The following MAGT1 variants were observed in gnomAD, a reference collection of about 807,000 sequenced individuals.
MAGT1 encodes dolichyl-diphosphooligosaccharide--protein glycosyltransferase subunit MAGT1.
Under a neutral mutation model 28.4 loss-of-function variants are expected in MAGT1, and 4 were observed. That is an observed-to-expected ratio of 0.14 (90% CI 0.07 to 0.32). MAGT1 has a LOEUF of 0.32. Ranked by LOEUF, MAGT1 falls within the 10% of genes least tolerant of loss-of-function variation. The pLI, the probability that MAGT1 is intolerant of heterozygous loss-of-function variation, is 1.00. For missense variants in MAGT1, 193 were observed against 264.5 expected (o/e 0.73, Z 1.88); for synonymous variants, 89 against 89.7 (o/e 0.99, Z 0.04).
chrX:77,892,357 T>C lies in MAGT1; in HGVS notation c.102+2952A>G, dbSNP rs567373974. 3.1e-4 allele frequency among the ~76,000 whole-genome samples: 35 copies of C among 112,463 alleles called. No homozygotes were observed. The South Asian group carries it at 0.012, about 37-fold the overall frequency. ...AAACTGTGTCTAAGGAGTATCATAG[T>C]AGTCTTTTTAAAGACAGCCTAAACC... On this transcript the variant is annotated intron_variant, in intron 1 of 9. Coordinates refer to ENST00000618282, the MANE Select transcript of MAGT1 (RefSeq NM_001367916.1).
At chrX:77,886,520 G>A (rs2077068547) in intron 1 of MAGT1, among the ~76,000 whole-genome samples, 1 of 110,502 alleles carries the variant, frequency 9.0e-6, no homozygotes, top group Non-Finnish European at 1.9e-5. Flanking sequence ...GTATGGGCCT[G>A]TAGTTGCGGC....
intron 7 of MAGT1, among the ~76,000 whole-genome samples, chrX:77,846,967 C>T (rs965227033): frequency 8.9e-6 from 1 of 112,001 alleles, no homozygotes. Flanking sequence ...AGCTGTCAGA[C>T]AGGGACATTT....
intron 3 of MAGT1, among the ~76,000 whole-genome samples, chrX:77,869,976 A>G (rs1206043257): frequency 1.8e-5 from 2 of 112,235 alleles, no homozygotes; most frequent in Non-Finnish European, 3.8e-5. Context: ...ACAATTCACA[A>G]TTGCAAAGAT....
chrX:77,844,343 T>A (rs2076944096), intron 7 of MAGT1, among the ~76,000 whole-genome samples: 1 of 111,710 alleles, frequency 9.0e-6, no homozygotes, highest in African/African-American at 3.3e-5. Context: ...CTCTCTTTTC[T>A]TCTTTATTAG....
At chrX:77,869,299 T>C (rs941452808) in intron 3 of MAGT1, among the ~76,000 whole-genome samples, 1 of 111,426 alleles carries the variant, frequency 9.0e-6, no homozygotes, top group African/African-American at 3.3e-5. Context: ...ACAGGCATGA[T>C]CCACCATGCC....
intron 1 of MAGT1, among the ~76,000 whole-genome samples, chrX:77,889,143 T>TC (rs1269219136): frequency 1.0e-5 from 1 of 97,912 alleles, no homozygotes; most frequent in African/African-American, 3.7e-5. Context: ...CTCTGCTATT[T>TC]TTTTTTTTTT....
chrX:77,835,158 C>T (rs1475099888), intron 8 of MAGT1, among the ~76,000 whole-genome samples: 1 of 109,014 alleles, frequency 9.2e-6, no homozygotes, highest in Non-Finnish European at 1.9e-5. Context: ...GATGGGGTTT[C>T]ACTGTGTTAG....
At chrX:77,834,388 G>A (rs1433160033) in intron 8 of MAGT1, among the ~76,000 whole-genome samples, 4 of 106,471 alleles carry the variant, frequency 3.8e-5, no homozygotes, top group Non-Finnish European at 5.8e-5. Flanking sequence ...AGGCTGGAGT[G>A]CAGTGGCATG....
chrX:77,876,162 A>T (rs1259188650), intron 1 of MAGT1, among the ~76,000 whole-genome samples: 139 of 37,895 alleles, frequency 3.7e-3, no homozygotes, highest in Non-Finnish European at 4.9e-3. Context: ...ATATATATAT[A>T]TATTTTTTTT....
intron 1 of MAGT1, among the ~76,000 whole-genome samples, chrX:77,877,936 G>A (rs1020942054): frequency 3.6e-5 from 4 of 109,921 alleles, no homozygotes; most frequent in Non-Finnish European, 7.6e-5. Flanking sequence ...CATCACTGGT[G>A]GGAATGTAGT....
At chrX:77,847,703 C>T (rs782773082) in intron 7 of MAGT1, among the ~76,000 whole-genome samples, 48 of 107,756 alleles carry the variant, frequency 4.5e-4, no homozygotes, top group Non-Finnish European at 8.1e-4. Flanking sequence ...CTCTGCCTCC[C>T]GGGTTCAAGA....
chrX:77,878,632 CA>C (rs1161210749), intron 1 of MAGT1, among the ~76,000 whole-genome samples: 5 of 105,128 alleles, frequency 4.8e-5, no homozygotes, highest in Non-Finnish European at 9.8e-5. Context: ...ACTAAAAATA[CA>C]AAAAAATTAG....
At chrX:77,855,428 A>G (rs903908827) in intron 6 of MAGT1, 73 bp downstream of exon 6, 61 of 739,591 alleles carry the variant, frequency 8.2e-5, no homozygotes, top group Admixed American at 9.3e-5. Context: ...ATATGCTGGC[A>G]CTGTTCTCAC....
At chrX:77,835,049 G>C (rs1043864063) in intron 8 of MAGT1, among the ~76,000 whole-genome samples, 1 of 105,328 alleles carries the variant, frequency 9.5e-6, no homozygotes, top group Non-Finnish European at 1.9e-5. Context: ...TCCACCTCCC[G>C]GGTTCACGCC....
intron 2 of MAGT1, 110 bp from the exon 3 acceptor site, chrX:77,871,035 G>A: frequency 1.8e-6 from 1 of 565,209 alleles, no homozygotes; most frequent in Non-Finnish European, 3.1e-6. Flanking sequence ...TTTCCAATGG[G>A]AGAAATAATA....
chrX:77,858,683 T>A (rs1270037234), intron 3 of MAGT1, among the ~76,000 whole-genome samples: 4 of 111,573 alleles, frequency 3.6e-5, no homozygotes, highest in Non-Finnish European at 7.5e-5. Context: ...AATAGATTAC[T>A]CCTTTGGTTA....
chrX:77,871,121 T>C (rs189263987), intron 2 of MAGT1, among the ~76,000 whole-genome samples, 196 bp from the exon 3 acceptor site: 1 of 111,961 alleles, frequency 8.9e-6, no homozygotes, highest in East Asian at 2.8e-4. Flanking sequence ...AGAAGCCTTA[T>C]CCCAAGTTAG....
chrX:77,866,414 T>C (rs1198739513), intron 3 of MAGT1, among the ~76,000 whole-genome samples: 1 of 66,769 alleles, frequency 1.5e-5, no homozygotes, highest in Non-Finnish European at 4.0e-5. Context: ...AAAAGCTGTG[T>C]TGGGAGACAA....
intron 1 of MAGT1, among the ~76,000 whole-genome samples, chrX:77,877,013 C>CAAAAAAAAA (rs782800456): frequency 9.4e-5 from 1 of 10,639 alleles, no homozygotes; most frequent in Non-Finnish European, 1.9e-4. Flanking sequence ...AACTCCATCT[C>CAAAAAAAAA]AAAAAAAAAA....
Sources: allele counts gnomAD v4.1 joint callset (sites outside exome capture counted in the v4.1 genomes callset), GRCh38; gene constraint gnomAD v4.1.1; transcripts MANE v1.5; gene names NCBI Gene and HGNC (gene_info 2026-07-23, HGNC 2026-07-21).